GNE: variants seen among roughly 807,000 people sequenced by gnomAD.
GNE encodes bifunctional UDP-N-acetylglucosamine 2-epimerase/N-acetylmannosamine kinase.
In GNE, 41 loss-of-function variants were observed where a neutral mutation model predicts 61.8. That is an observed-to-expected ratio of 0.66 (90% CI 0.52 to 0.86). The LOEUF (loss-of-function observed/expected upper bound fraction) is 0.86, where lower values mean the gene tolerates loss of function less well. Ranked by LOEUF, GNE falls within the 40% of genes least tolerant of loss-of-function variation. GNE has a pLI of 0.00. For synonymous variants in GNE, 264 were observed against 326.4 expected (o/e 0.81, Z 2.06); for missense variants, 608 against 909.1 (o/e 0.67, Z 4.26).
rs73449614 is a variant in GNE, at chr9:36,276,954, C to T, written c.-10G>A. ...AACCATAGGTTTCCATCCCGAAGCACGAGCTCTGTACCCTAGTGTGGTTTG... is the reference window on the plus strand; with the variant it reads ...AACCATAGGTTTCCATCCCGAAGCATGAGCTCTGTACCCTAGTGTGGTTTG... On this transcript the variant is annotated 5_prime_UTR_variant, in exon 1 of 12. Coordinates refer to the GNE transcript ENST00000396594. The T allele has an allele frequency of 1.6e-3, 2,608 of 1,613,054 alleles. 35 individuals are homozygous for T. In the African/African-American group the frequency reaches 0.029, roughly 18 times the overall value.
chr9:36,246,024 T>C lies in GNE; in HGVS notation c.616+7A>G, dbSNP rs761273110. On this transcript the variant is annotated splice_region_variant and intron_variant, in intron 3 of 11. Transcript: ENST00000642385. ...CCATTAGACTGACTAAAGTCTGAGA[T>C]ACGTACCTAGCCACATGCGAATGAT... 1.6e-5 allele frequency: 25 copies of C among 1,609,140 alleles called. No homozygotes were observed. The South Asian group carries it at 2.6e-4, about 17-fold the overall frequency.
At chr9:36,275,360 G>C (rs1009159237) in intron 1 of GNE, among the ~76,000 whole-genome samples, 5 of 152,144 alleles carry the variant, frequency 3.3e-5, no homozygotes, top group African/African-American at 1.2e-4. Context: ...AACATGATGT[G>C]ATTGAAGACA....
intron 3 of GNE, among the ~76,000 whole-genome samples, chr9:36,242,809 A>G (rs1378299655): frequency 7.0e-6 from 1 of 143,736 alleles, no homozygotes; most frequent in Non-Finnish European, 1.5e-5. Flanking sequence ...CAGTGGTGCA[A>G]TCTCGGCTCA....
At chr9:36,257,696 G>C (rs1027720466) in intron 1 of GNE, among the ~76,000 whole-genome samples, 47 of 146,298 alleles carry the variant, frequency 3.2e-4, no homozygotes, top group Admixed American at 3.4e-4. Flanking sequence ...CCAGCTACTC[G>C]GGAGGCTGAG....
At chr9:36,224,438 A>G (rs1309144313) in intron 7 of GNE, among the ~76,000 whole-genome samples, 1 of 152,060 alleles carries the variant, frequency 6.6e-6, no homozygotes, top group Non-Finnish European at 1.5e-5. Flanking sequence ...TTTCTCAAAA[A>G]CAAAAACAAA....
chr9:36,222,996 T>C lies in GNE; in HGVS notation c.1414A>G (p.Ile472Val), dbSNP rs1329414627. The C allele has an allele frequency of 6.2e-7, 1 of 1,613,206 alleles. No individual in the cohort carries two copies. The highest frequency in any genetic ancestry group is 8.5e-7 in the Non-Finnish European group (1 of 1,179,646). ...GGATTTACACGGCCACCTGTGGAAATGCCTGCGCTCCACCACAAACACAAG... is the reference window on the plus strand; with the variant it reads ...GGATTTACACGGCCACCTGTGGAAACGCCTGCGCTCCACCACAAACACAAG... ...KLNCRILGVG[I>V]STGGRVNPRE... Residue 472 changes from isoleucine (I) to valine (V), a missense_variant and splice_region_variant, in exon 9 of 12, where the codon ATT becomes GTT. Ile to Val is a conservative substitution (Grantham distance 29). Coordinates refer to ENST00000642385, the MANE Select transcript of GNE (RefSeq NM_005476.7).
At chr9:36,237,042 G>A in intron 3 of GNE, 58 bp from the exon 4 acceptor site, 1 of 1,392,888 alleles carries the variant, frequency 7.2e-7, no homozygotes, top group Non-Finnish European at 1.0e-6. Context: ...AAAAGAGAAA[G>A]AAGCAAATTC....
intron 1 of GNE, among the ~76,000 whole-genome samples, chr9:36,266,009 C>G (rs1456728469): frequency 6.6e-6 from 1 of 152,142 alleles, no homozygotes; most frequent in Non-Finnish European, 1.5e-5. Context: ...GGCTTCTTGG[C>G]TCACTGTAAG....
chr9:36,259,435 T>G (rs1406089831), upstream of GNE, among the ~76,000 whole-genome samples: 2 of 152,210 alleles, frequency 1.3e-5, no homozygotes, highest in Non-Finnish European at 2.9e-5. Flanking sequence ...CAGGTGAAAC[T>G]AAGTCTAACA....
rs1389046642 is a variant in GNE at position 36,222,951 on chromosome 9, G to A, written c.1459C>T (p.His487Tyr). ...CACTCTTGGATCAGTTTGGTTGAATGCAGCACAATTCCTTCCCGAGGATTT... is the reference window on the plus strand; with the variant it reads ...CACTCTTGGATCAGTTTGGTTGAATACAGCACAATTCCTTCCCGAGGATTT... The part of the protein sequence containing the change: ...RVNPREGIVL[H>Y]STKLIQEWNS... Residue 487 changes from histidine to tyrosine, a missense_variant, in exon 9 of 12, where the codon CAT becomes TAT. By Grantham distance (83) the His-to-Tyr change is moderately conservative (BLOSUM62 2). Transcript: ENST00000642385. The A allele has an allele frequency of 6.2e-7, 1 of 1,614,026 alleles. No homozygotes were observed. Among genetic ancestry groups the A allele is most frequent in the Non-Finnish European group, 8.5e-7 (1 of 1,180,036 alleles).
At chr9:36,250,415 A>T (rs1830066810) in intron 1 of GNE, among the ~76,000 whole-genome samples, 1 of 152,170 alleles carries the variant, frequency 6.6e-6, no homozygotes, top group African/African-American at 2.4e-5. Flanking sequence ...CAGTGTCCCA[A>T]ACTGAACTCA....
intron 7 of GNE, 101 bp downstream of exon 7, chr9:36,227,147 C>T (rs1449910374): frequency 1.3e-6 from 1 of 752,780 alleles, no homozygotes. Flanking sequence ...ATTACAAGCT[C>T]TTGTGTATGT....
intron 5 of GNE, among the ~76,000 whole-genome samples, chr9:36,229,955 T>A (rs1829065533): frequency 6.6e-6 from 1 of 152,056 alleles, no homozygotes; most frequent in African/African-American, 2.4e-5. Context: ...CCTTTCACTT[T>A]TTTTTTTTTG....
intron 1 of GNE, among the ~76,000 whole-genome samples, chr9:36,254,419 CTAT>C (rs1158470523): frequency 7.2e-5 from 11 of 151,894 alleles, no homozygotes; most frequent in Non-Finnish European, 1.5e-4. Context: ...GCGGTCCTAG[CTAT>C]TTGGGAGGCT....
intron 3 of GNE, among the ~76,000 whole-genome samples, chr9:36,243,727 C>CA (rs1829746217): frequency 6.6e-6 from 1 of 152,052 alleles, no homozygotes; most frequent in Non-Finnish European, 1.5e-5. Context: ...TGCCTGTAGT[C>CA]CCAGCTACTC....
chr9:36,238,083 CAT>C (rs772444727), intron 3 of GNE, among the ~76,000 whole-genome samples: 17 of 149,264 alleles, frequency 1.1e-4, no homozygotes, highest in African/African-American at 3.0e-4. Flanking sequence ...CACACACACA[CAT>C]AGATATATAG....
At chr9:36,261,410 G>C (rs574747369), upstream of GNE, among the ~76,000 whole-genome samples, 1 of 151,744 alleles carries the variant, frequency 6.6e-6, no homozygotes, top group Non-Finnish European at 1.5e-5. Context: ...AAAATTAGCC[G>C]GGGATGGTGG....
At chr9:36,219,332 C>G (rs1206982894) in intron 10 of GNE, among the ~76,000 whole-genome samples, 1 of 152,108 alleles carries the variant, frequency 6.6e-6, no homozygotes, top group Non-Finnish European at 1.5e-5. Context: ...CCCACCTCTT[C>G]AGAACCCTAC....
intron 1 of GNE, among the ~76,000 whole-genome samples, chr9:36,270,182 C>T (rs1026308131): frequency 4.6e-5 from 7 of 151,998 alleles, no homozygotes; most frequent in African/African-American, 1.7e-4. Flanking sequence ...AGGCTGGTAT[C>T]GAACTCCTGG....
Sources: allele counts gnomAD v4.1 joint callset (sites outside exome capture counted in the v4.1 genomes callset), GRCh38; gene constraint gnomAD v4.1.1; transcripts MANE v1.5; gene names NCBI Gene and HGNC (gene_info 2026-07-23, HGNC 2026-07-21).